Variants in SEMA5A observed in about 807,000 individuals in gnomAD.
The protein encoded by SEMA5A is semaphorin 5A.
SEMA5A carries 55 observed loss-of-function variants against 135.5 expected under a neutral mutation model. The observed-to-expected ratio is 0.41, with a 90% CI of 0.33 to 0.51. The LOEUF (loss-of-function observed/expected upper bound fraction) is 0.51, where lower values mean the gene tolerates loss of function less well. SEMA5A is among the 20% of genes least tolerant of loss of function. The probability of loss-of-function intolerance (pLI) is 0.37; values close to 1 mark genes in which losing one functional copy is unlikely to be tolerated. For synonymous variants in SEMA5A, 580 were observed against 546.5 expected (o/e 1.06, Z -0.85); for missense variants, 1,290 against 1,419.9 (o/e 0.91, Z 1.47).
chr5:9,208,129 G>A (rs989575147), intron 8 of SEMA5A, among the ~76,000 whole-genome samples: 8 of 152,060 alleles, frequency 5.3e-5, no homozygotes, highest in Non-Finnish European at 1.0e-4. Context: ...AGAATCAAAC[G>A]CACTTTGCTG....
intron 18 of SEMA5A, among the ~76,000 whole-genome samples, chr5:9,059,426 A>T (rs1737065214): frequency 6.6e-6 from 1 of 151,976 alleles, no homozygotes; most frequent in South Asian, 2.1e-4. Context: ...CAGAAGGTGA[A>T]AAAAATGATT....
At chr5:9,380,272 G>C (rs1303886136) in intron 2 of SEMA5A, 2 of 240,182 alleles carry the variant, frequency 8.3e-6, no homozygotes, top group African/African-American at 4.4e-5. Flanking sequence ...TAGCCCATTT[G>C]TTTTAAACGA....
chr5:9,492,355 A>G (rs190451262), intron 1 of SEMA5A, among the ~76,000 whole-genome samples: 57 of 152,344 alleles, frequency 3.7e-4, no homozygotes, highest in Non-Finnish European at 5.7e-4. Flanking sequence ...TGAAATTCAC[A>G]CAAATGGGAA....
intron 2 of SEMA5A, among the ~76,000 whole-genome samples, chr5:9,436,507 C>A (rs967035763): frequency 6.6e-6 from 1 of 152,150 alleles, no homozygotes; most frequent in African/African-American, 2.4e-5. Flanking sequence ...GCTCTAAGAC[C>A]CATTTAGCCT....
intron 14 of SEMA5A, 137 bp from the exon 15 acceptor site, chr5:9,119,278 G>A (rs1740686969): frequency 7.0e-6 from 7 of 1,006,016 alleles, no homozygotes; most frequent in African/African-American, 6.5e-5. Flanking sequence ...CACCAGCCAG[G>A]GGACTGAATG....
chr5:9,307,257 G>T (rs1419993763), intron 5 of SEMA5A, among the ~76,000 whole-genome samples: 1 of 152,168 alleles, frequency 6.6e-6, no homozygotes, highest in Non-Finnish European at 1.5e-5. Context: ...TTCTAATGAA[G>T]AAGTATTATA....
At chr5:9,532,125 T>C (rs1435619655) in intron 1 of SEMA5A, among the ~76,000 whole-genome samples, 1 of 152,200 alleles carries the variant, frequency 6.6e-6, no homozygotes, top group Non-Finnish European at 1.5e-5. Flanking sequence ...TTGACTCAAA[T>C]CTATCCTATC....
In SEMA5A at chr5:9,039,208, G is replaced by T. The variant is rs187692198; in HGVS notation, c.*3689C>A. On this transcript the variant is annotated 3_prime_UTR_variant, in exon 23 of 23. Transcript: ENST00000382496. The stretch of plus-strand genomic sequence containing the variant: ...CAGTTGATCCTGGCAGAGTCCAAGG[G>T]TCAGACCCATGGACCTGTGAAGTGG... 1 of 152,286 alleles carries T rather than the reference G, an allele frequency of 6.6e-6. No individual in the cohort carries two copies. The highest frequency in any genetic ancestry group is 1.5e-5 in the Non-Finnish European group (1 of 68,094). 9.4% of individuals were successfully genotyped at this position (152,286 alleles called of 1,614,324 possible).
rs190813890 is a variant in SEMA5A at position 9,485,116 on chromosome 5, G to A, written c.-174-47264C>T. On this transcript the variant is annotated intron_variant, in intron 1 of 22. Coordinates refer to ENST00000382496, the MANE Select transcript of SEMA5A (RefSeq NM_003966.3). ...ATCTGAAGTTTAAATTTAACTAAGC[G>A]CCCTGTATTTTATCTGGCAACTCTA... Among the ~76,000 whole-genome samples, 21 of 152,088 alleles carry A rather than the reference G, an allele frequency of 1.4e-4. No homozygotes were observed. In the East Asian group the frequency reaches 1.5e-3, roughly 11 times the overall value.
chr5:9,087,075 A>G (rs868632242), intron 16 of SEMA5A, among the ~76,000 whole-genome samples: 1 of 152,186 alleles, frequency 6.6e-6, no homozygotes, highest in Non-Finnish European at 1.5e-5. Context: ...GCTGATAGAG[A>G]AAGTATCAAG....
In SEMA5A at chr5:9,036,735, G is replaced by A. The variant is rs1735673134; in HGVS notation, c.*6162C>T. The A allele has an allele frequency of 6.6e-6, 1 of 152,510 alleles. No individual in the cohort carries two copies. Among genetic ancestry groups the A allele is most frequent in the African/African-American group, 2.4e-5 (1 of 41,408 alleles). 9.4% of individuals were successfully genotyped at this position (152,510 alleles called of 1,614,324 possible). On this transcript the variant is annotated 3_prime_UTR_variant, in exon 23 of 23. Transcript: ENST00000382496. ...CTATTCCTGAGTTCAAAGAGACATA[G>A]GAGAATAATTTTCTTTAAAGTAAAT...
At chr5:9,234,314 G>A (rs985940356) in intron 6 of SEMA5A, among the ~76,000 whole-genome samples, 3 of 152,204 alleles carry the variant, frequency 2.0e-5, no homozygotes, top group Non-Finnish European at 4.4e-5. Context: ...CTCTGTCCCA[G>A]GAGCTGGGCT....
At chr5:9,491,889 T>G (rs144542160) in intron 1 of SEMA5A, among the ~76,000 whole-genome samples, 36 of 152,314 alleles carry the variant, frequency 2.4e-4, no homozygotes, top group African/African-American at 8.4e-4. Flanking sequence ...TAAAATCAAC[T>G]GACTTGCCAG....
chr5:9,307,956 AT>A (rs67755102), intron 5 of SEMA5A, among the ~76,000 whole-genome samples: 21,485 of 152,184 alleles, frequency 0.14, 1,612 homozygotes, highest in South Asian at 0.19. Context: ...CAAAGCAACA[AT>A]TTAGAAATGG....
At chr5:9,325,069 A>G (rs1271568188) in intron 4 of SEMA5A, among the ~76,000 whole-genome samples, 3 of 152,262 alleles carry the variant, frequency 2.0e-5, no homozygotes, top group African/African-American at 4.8e-5. Context: ...TTAAGAGATT[A>G]GATTCTTTGA....
chr5:9,497,601 G>A (rs921932386), intron 1 of SEMA5A, among the ~76,000 whole-genome samples: 6 of 152,140 alleles, frequency 3.9e-5, no homozygotes, highest in African/African-American at 1.4e-4. Context: ...AAGATACCAG[G>A]CATCTAAGCA....
At chr5:9,299,217 T>C (rs1473316385) in intron 5 of SEMA5A, among the ~76,000 whole-genome samples, 3 of 152,124 alleles carry the variant, frequency 2.0e-5, no homozygotes, top group Non-Finnish European at 4.4e-5. Context: ...TCTAATCCTG[T>C]TGGAATGGGG....
chr5:9,291,404 G>A (rs1751069955), intron 5 of SEMA5A, among the ~76,000 whole-genome samples: 1 of 152,266 alleles, frequency 6.6e-6, no homozygotes, highest in African/African-American at 2.4e-5. Flanking sequence ...TATGACCGAA[G>A]AGCTCCTTTG....
chr5:9,246,691 G>T (rs1467851509), intron 5 of SEMA5A, among the ~76,000 whole-genome samples: 2 of 152,102 alleles, frequency 1.3e-5, no homozygotes, highest in East Asian at 3.8e-4. Context: ...GATTGTATGG[G>T]ACACCAATAT....
Sources: gnomAD v4.1 joint callset for allele counts (sites outside exome capture counted in the v4.1 genomes callset) on GRCh38, gnomAD v4.1.1 for gene constraint, MANE v1.5 for transcripts, NCBI Gene and HGNC (gene_info 2026-07-23, HGNC 2026-07-21) for gene names.